The following ZCCHC10 variants were observed in gnomAD, a reference collection of about 807,000 sequenced individuals.
The protein encoded by ZCCHC10 is zinc finger CCHC domain-containing protein 10.
A neutral mutation model predicts 19.5 loss-of-function variants in ZCCHC10; 16 were observed. The observed-to-expected ratio is 0.82, with a 90% CI of 0.56 to 1.25. The LOEUF (loss-of-function observed/expected upper bound fraction) is 1.25, where lower values mean the gene tolerates loss of function less well. ZCCHC10 is among the 50% of genes most tolerant of loss of function. The pLI, the probability that ZCCHC10 is intolerant of heterozygous loss-of-function variation, is 0.00. For missense variants in ZCCHC10, 197 were observed against 201.0 expected, an observed-to-expected ratio of 0.98 and a Z score of 0.12; for synonymous variants, 67 against 72.5, an observed-to-expected ratio of 0.92 and a Z score of 0.38.
At chr5:133,014,262 C>A (rs1763773688) in intron 2 of ZCCHC10, among the ~76,000 whole-genome samples, 1 of 150,228 alleles carries the variant, frequency 6.7e-6, no homozygotes, top group Non-Finnish European at 1.5e-5. Context: ...CAGGTTCAAG[C>A]AATTCTCCTG....
At chr5:133,017,516 C>T (rs775560860) in intron 2 of ZCCHC10, among the ~76,000 whole-genome samples, 2 of 151,964 alleles carry the variant, frequency 1.3e-5, no homozygotes, top group South Asian at 2.1e-4. Context: ...ACCACAGGTG[C>T]GCACCACCAC....
At chr5:133,002,293 A>G (rs1762828365) in intron 3 of ZCCHC10, among the ~76,000 whole-genome samples, 1 of 152,050 alleles carries the variant, frequency 6.6e-6, no homozygotes, top group African/African-American at 2.4e-5. Context: ...AGATTCATGT[A>G]ATTATATATA....
chr5:133,025,503 C>CAAAAAA (rs74843776), intron 1 of ZCCHC10, among the ~76,000 whole-genome samples: 7 of 18,656 alleles, frequency 3.8e-4, no homozygotes, highest in East Asian at 2.4e-3. Context: ...GACTCCGCCT[C>CAAAAAA]AAAAAAAAAA....
rs774572954 is a variant in ZCCHC10 at position 133,026,497 on chromosome 5, G to C, written c.41C>G (p.Ala14Gly). The C allele has an allele frequency of 6.2e-7, 1 of 1,613,670 alleles. No individual in the cohort carries two copies. The highest frequency in any genetic ancestry group is 8.5e-7 in the Non-Finnish European group (1 of 1,179,908). Residue 14 changes from alanine to glycine, a missense_variant and splice_region_variant, in exon 1 of 5, where the codon GCA (alanine) becomes GGA (glycine). Physicochemically the swap from Ala to Gly is moderately conservative, Grantham distance 60. Transcript: ENST00000509437. ...GGACCCGAACCGGATCCTTACTTACGCTTGTCTCCGGGCTATTAGCCGATG... is the reference window on the plus strand; with the variant it reads ...GGACCCGAACCGGATCCTTACTTACCCTTGTCTCCGGGCTATTAGCCGATG... ...PMHRLIARRQ[A>G]FDTELQPVKT...
intron 2 of ZCCHC10, among the ~76,000 whole-genome samples, chr5:133,019,854 A>T (rs1346339460): frequency 6.6e-6 from 1 of 151,672 alleles, no homozygotes; most frequent in Non-Finnish European, 1.5e-5. Context: ...TGGGAGGCTG[A>T]GACAGGAGAA....
intron 2 of ZCCHC10, among the ~76,000 whole-genome samples, chr5:133,009,010 T>C (rs78079829): frequency 2.9e-4 from 43 of 145,898 alleles, no homozygotes; most frequent in African/African-American, 9.7e-4. Flanking sequence ...GAGATTCTCT[T>C]TTTTTTTTTT....
intron 2 of ZCCHC10, among the ~76,000 whole-genome samples, chr5:133,016,769 C>T (rs1763950883): frequency 6.6e-6 from 1 of 152,116 alleles, no homozygotes; most frequent in African/African-American, 2.4e-5. Context: ...CTTCCTTCTT[C>T]AGGAAGAAAC....
rs957003234 is a variant in ZCCHC10 at position 133,011,745 on chromosome 5, A to G, written c.108-4825T>C. 2.0e-5 allele frequency among the ~76,000 whole-genome samples: 3 copies of G among 152,092 alleles called. No homozygotes were observed. The South Asian group carries it at 6.2e-4, about 32-fold the overall frequency. On this transcript the variant is annotated intron_variant, in intron 2 of 4. Coordinates refer to ENST00000509437, the MANE Select transcript of ZCCHC10 (RefSeq NM_001300816.3). ...GGAAGGTTCAGTATTATAAAATGTC[A>G]GTTCTCCCCAAATTCCTGTATAGAT...
At position 132,997,829 on chromosome 5, in the gene ZCCHC10, C is replaced by T. The variant is rs1461034938; in HGVS notation, c.*754G>A. The T allele has an allele frequency of 6.6e-6, 1 of 152,054 alleles. No homozygotes were observed. Among genetic ancestry groups the T allele is most frequent in the Non-Finnish European group, 1.5e-5 (1 of 68,006 alleles). 9.4% of individuals were successfully genotyped at this position (152,054 alleles called of 1,614,324 possible). A position where few individuals can be genotyped will look rare whatever the true frequency, so the allele number is the denominator to read the frequency against. ...TTCTAGCACTTCTATTTAAGTTAGC[C>T]TCTTACATGGCTGCTTTCTTTTCTG... On this transcript the variant is annotated 3_prime_UTR_variant, in exon 5 of 5. Coordinates refer to ENST00000509437, the MANE Select transcript of ZCCHC10 (RefSeq NM_001300816.3).
intron 2 of ZCCHC10, among the ~76,000 whole-genome samples, chr5:133,016,495 T>C (rs1763929873): frequency 6.6e-6 from 1 of 152,142 alleles, no homozygotes; most frequent in Non-Finnish European, 1.5e-5. Flanking sequence ...CAGGCTGGAG[T>C]GCAATGGCGC....
chr5:133,015,935 G>A (rs756713021), intron 2 of ZCCHC10, among the ~76,000 whole-genome samples: 12 of 152,146 alleles, frequency 7.9e-5, no homozygotes, highest in Non-Finnish European at 5.9e-5. Context: ...ATTCATGAGT[G>A]TGGATTAATG....
chr5:133,021,650 A>T (rs1208250609), intron 2 of ZCCHC10, among the ~76,000 whole-genome samples: 1 of 152,188 alleles, frequency 6.6e-6, no homozygotes, highest in Admixed American at 6.6e-5. Flanking sequence ...GAGGACTAAC[A>T]CGTGGATTCA....
chr5:133,019,484 T>C (rs1764151850), intron 2 of ZCCHC10, among the ~76,000 whole-genome samples: 1 of 152,182 alleles, frequency 6.6e-6, no homozygotes, highest in Non-Finnish European at 1.5e-5. Context: ...GAAATGACGT[T>C]CTTTGATACC....
chr5:133,013,076 AT>A (rs1482411670), intron 2 of ZCCHC10, among the ~76,000 whole-genome samples: 1,749 of 142,264 alleles, frequency 0.012, 30 homozygotes, highest in African/African-American at 0.042. Context: ...AAAAAAAAAA[AT>A]AATAAATAAA....
At chr5:133,016,532 T>G (rs1302222347) in intron 2 of ZCCHC10, among the ~76,000 whole-genome samples, 4 of 152,080 alleles carry the variant, frequency 2.6e-5, no homozygotes, top group Non-Finnish European at 5.9e-5. Flanking sequence ...AACCTCCGCC[T>G]CCGGGGTTCA....
At chr5:133,005,352 C>G (rs1458368804) in intron 3 of ZCCHC10, among the ~76,000 whole-genome samples, 1 of 152,092 alleles carries the variant, frequency 6.6e-6, no homozygotes, top group African/African-American at 2.4e-5. Flanking sequence ...GTGGCTCATG[C>G]CTATAATCCC....
At chr5:133,018,781 GTGCA>G (rs1211123848) in intron 2 of ZCCHC10, among the ~76,000 whole-genome samples, 3 of 152,196 alleles carry the variant, frequency 2.0e-5, no homozygotes, top group Non-Finnish European at 2.9e-5. Flanking sequence ...TTGAGAAACA[GTGCA>G]AAGACAATGA....
At position 132,999,212 on chromosome 5, in the gene ZCCHC10, C is replaced by T. The variant is rs539949146; in HGVS notation, c.312-362G>A. ...TGCTAGGATTACAGGCGTGAGCCAC[C>T]GCGCCCAGCCAAAAGCGATTTCATA... is the stretch of plus-strand genomic sequence containing the variant. On this transcript the variant is annotated intron_variant, in intron 4 of 4. Coordinates refer to ENST00000509437, the MANE Select transcript of ZCCHC10 (RefSeq NM_001300816.3). Among the ~76,000 whole-genome samples the T allele has an allele frequency of 7.2e-5, 11 of 152,226 alleles. No individual in the cohort carries two copies. In the East Asian group the frequency reaches 1.3e-3, roughly 19 times the overall value.
intron 3 of ZCCHC10, among the ~76,000 whole-genome samples, chr5:133,005,189 C>T (rs116113212): frequency 0.013 from 2,005 of 152,158 alleles, 44 homozygotes; most frequent in African/African-American, 0.046. Flanking sequence ...CTCCCAGCTA[C>T]TCCGGAGGCT....
Sources: allele counts gnomAD v4.1 joint callset (sites outside exome capture counted in the v4.1 genomes callset), GRCh38; gene constraint gnomAD v4.1.1; transcripts MANE v1.5; gene names NCBI Gene and HGNC (gene_info 2026-07-23, HGNC 2026-07-21).